Variants in MTUS1 observed in about 807,000 individuals in gnomAD.
The protein encoded by MTUS1 is microtubule associated scaffold protein 1, also known as microtubule-associated tumor suppressor 1.
MTUS1 carries 109 observed loss-of-function variants against 120.8 expected under a neutral mutation model. The observed-to-expected ratio is 0.90, with a 90% confidence interval of 0.77 to 1.06. The LOEUF (loss-of-function observed/expected upper bound fraction) is 1.06, where lower values mean the gene tolerates loss of function less well. MTUS1 is among the 50% of genes least tolerant of loss of function. MTUS1 has a pLI of 0.00. For missense variants in MTUS1, 2,210 were observed against 1,486.3 expected, an observed-to-expected ratio of 1.49 and a Z score of -8.01; for synonymous variants, 737 against 550.5, an observed-to-expected ratio of 1.34 and a Z score of -4.74.
At position 17,653,194 on chromosome 8, in the gene MTUS1, CT is replaced by C; in HGVS notation, c.3375del (p.Ala1126GlnfsTer3). The C allele has an allele frequency of 6.5e-7, 1 of 1,539,406 alleles. No homozygotes were observed. The highest frequency in any genetic ancestry group is 8.7e-7 in the Non-Finnish European group (1 of 1,145,516). ...SEEQKRRARE[K>X]ANLKNPQIMY... ...GAGCACACACAACTTACCAAATTTG[CT>C]TTTTCTCTTGCTCTTCTTTTTTGTT... On this transcript the variant is annotated frameshift_variant, in exon 12 of 15. Transcript: ENST00000693296. LOFTEE classifies it high-confidence loss of function.
chr8:17,777,431 ACT>A (rs1396292760), intron 1 of MTUS1, among the ~76,000 whole-genome samples: 1 of 149,896 alleles, frequency 6.7e-6, no homozygotes, highest in Non-Finnish European at 1.5e-5. Flanking sequence ...AGAGGGAGAC[ACT>A]GTCTCAAAAA....
At chr8:17,731,862 G>A (rs530128383) in intron 3 of MTUS1, among the ~76,000 whole-genome samples, 122 of 152,292 alleles carry the variant, frequency 8.0e-4, no homozygotes, top group African/African-American at 2.9e-3. Flanking sequence ...TGAGCCAACT[G>A]TCATTCCTAA....
At position 17,755,901 on chromosome 8, in the gene MTUS1, T is replaced by G. The variant is rs2048573372; in HGVS notation, c.-94A>C. 1.3e-6 allele frequency: 2 copies of G among 1,494,618 alleles called. No homozygotes were observed. The highest frequency in any genetic ancestry group is 1.8e-6 in the Non-Finnish European group (2 of 1,130,592). The allele number at this position is 1,494,618 out of a possible 1,614,324, so 92.6% of individuals were successfully genotyped here. Reference sequence around the variant, plus strand: ...CAAAATGGTCTGTCTTCTAGGTTTTTCAGCACAGTTGAAAGGTTTTCAGTC... The same window carrying G: ...CAAAATGGTCTGTCTTCTAGGTTTTGCAGCACAGTTGAAAGGTTTTCAGTC... On this transcript the variant is annotated 5_prime_UTR_variant, in exon 2 of 15. Coordinates refer to ENST00000693296, the MANE Select transcript of MTUS1 (RefSeq NM_001363059.2).
intron 8 of MTUS1, among the ~76,000 whole-genome samples, chr8:17,670,772 G>A (rs1216220861): frequency 1.3e-5 from 2 of 151,860 alleles, no homozygotes; most frequent in Admixed American, 6.6e-5. Context: ...ACAGTGAGCC[G>A]AGATAGTGCC....
intron 1 of MTUS1, among the ~76,000 whole-genome samples, chr8:17,762,801 C>T (rs1260058194): frequency 2.0e-5 from 3 of 152,136 alleles, no homozygotes; most frequent in Admixed American, 1.3e-4. Flanking sequence ...GGTCAACTGA[C>T]TGATTCAGAA....
rs190076619 is a variant in MTUS1 at position 17,736,576 on chromosome 8, T to C, written c.2287+7028A>G. Reference sequence around the variant, plus strand: ...TCTCCTTCACTGCTTTATTTTTATTTTATTTTATTTTTTGCTTGTTTTTTT... The same window carrying C: ...TCTCCTTCACTGCTTTATTTTTATTCTATTTTATTTTTTGCTTGTTTTTTT... On this transcript the variant is annotated intron_variant, in intron 3 of 14. Transcript: ENST00000693296. 2.0e-5 allele frequency among the ~76,000 whole-genome samples: 3 copies of C among 152,218 alleles called. No individual in the cohort carries two copies. The East Asian group carries it at 5.8e-4, about 29-fold the overall frequency.
rs368230432 is a variant in MTUS1 at position 17,684,424 on chromosome 8, G to A, written c.2742C>T (p.Asn914=). 10 of 1,614,046 alleles carry A rather than the reference G, an allele frequency of 6.2e-6. No individual in the cohort carries two copies. Among genetic ancestry groups the A allele is most frequent in the Non-Finnish European group, 8.5e-6 (10 of 1,180,042 alleles). ...TGAGCTGCAGGATAAATCCACTTTG[G>A]TTTTCACATTTTGTTTTATATTGCG... ...ELTQYKTKCE[N]QSGFILQLKQ... Residue 914 remains asparagine (N), a synonymous_variant, in exon 7 of 15, where the codon AAC becomes AAT. Coordinates refer to ENST00000693296, the MANE Select transcript of MTUS1 (RefSeq NM_001363059.2).
At chr8:17,734,080 T>C (rs999202788) in intron 3 of MTUS1, 3 of 152,192 alleles carry the variant, frequency 2.0e-5, no homozygotes, top group Non-Finnish European at 4.4e-5. Flanking sequence ...AATTTTAGTA[T>C]TATAAGAACA....
rs145875395 is a variant in MTUS1 at position 17,689,274 on chromosome 8, G to A, written c.2624-4732C>T. 2.6e-4 allele frequency among the ~76,000 whole-genome samples: 39 copies of A among 152,264 alleles called. No homozygotes were observed. In the East Asian group the frequency reaches 5.4e-3, roughly 21 times the overall value. On this transcript the variant is annotated intron_variant, in intron 6 of 14. Transcript: ENST00000693296. ...AAGCCCAATTATTTGTAGGGGGAGG[G>A]AGGAGGATTTAGGATGCCTCACCAT...
intron 3 of MTUS1, among the ~76,000 whole-genome samples, chr8:17,740,674 G>T (rs1408207884): frequency 1.3e-5 from 2 of 152,270 alleles, no homozygotes; most frequent in South Asian, 2.1e-4. Context: ...GTCGGCTCAG[G>T]CTGCCATAAT....
intron 1 of MTUS1, among the ~76,000 whole-genome samples, chr8:17,765,110 C>A (rs2049371943): frequency 6.6e-6 from 1 of 152,146 alleles, no homozygotes; most frequent in Non-Finnish European, 1.5e-5. Context: ...AACCTAGATA[C>A]CTCGCATGCA....
chr8:17,712,911 T>C (rs1407427561), intron 6 of MTUS1, among the ~76,000 whole-genome samples: 1 of 152,204 alleles, frequency 6.6e-6, no homozygotes, highest in Non-Finnish European at 1.5e-5. Context: ...GAATATCCAA[T>C]TTCAAAATAG....
At chr8:17,730,621 G>A (rs1389035883) in intron 3 of MTUS1, among the ~76,000 whole-genome samples, 4 of 152,068 alleles carry the variant, frequency 2.6e-5, no homozygotes, top group Admixed American at 2.6e-4. Flanking sequence ...TAAACAAAAG[G>A]TGGTACAGAT....
intron 1 of MTUS1, among the ~76,000 whole-genome samples, chr8:17,786,437 G>A (rs1482395260): frequency 1.3e-5 from 2 of 152,128 alleles, no homozygotes; most frequent in Admixed American, 6.5e-5. Context: ...TGGGTGAGCC[G>A]CTGAGGAAGG....
At chr8:17,662,354 T>A (rs1187185462) in intron 8 of MTUS1, among the ~76,000 whole-genome samples, 3 of 37,204 alleles carry the variant, frequency 8.1e-5, no homozygotes, top group Non-Finnish European at 2.9e-4. Flanking sequence ...TCCCTATTTT[T>A]TTTTTTTTTT....
At chr8:17,746,543 C>T (rs951369389) in intron 2 of MTUS1, among the ~76,000 whole-genome samples, 1 of 152,064 alleles carries the variant, frequency 6.6e-6, no homozygotes, top group African/African-American at 2.4e-5. Flanking sequence ...AGCAGTTTCC[C>T]CTTATAAAAC....
intron 4 of MTUS1, among the ~76,000 whole-genome samples, chr8:17,717,647 A>T (rs913813253): frequency 2.6e-5 from 4 of 152,198 alleles, no homozygotes; most frequent in African/African-American, 9.7e-5. Context: ...AAATTTAGAG[A>T]CACAAAGGCC....
intron 6 of MTUS1, among the ~76,000 whole-genome samples, chr8:17,690,163 T>C (rs1238982524): frequency 1.3e-5 from 2 of 152,086 alleles, no homozygotes; most frequent in Non-Finnish European, 2.9e-5. Context: ...CAAGGAACGC[T>C]AGCAACTAGC....
intron 7 of MTUS1, among the ~76,000 whole-genome samples, chr8:17,681,824 A>G (rs935911860): frequency 1.3e-5 from 2 of 151,076 alleles, no homozygotes; most frequent in African/African-American, 4.9e-5. Context: ...CGTAATTATA[A>G]ATTTCCTAGT....
Sources: gnomAD v4.1 joint callset for allele counts (sites outside exome capture counted in the v4.1 genomes callset) on GRCh38, gnomAD v4.1.1 for gene constraint, MANE v1.5 for transcripts, NCBI Gene and HGNC (gene_info 2026-07-23, HGNC 2026-07-21) for gene names.